PLEKHG4B: variants seen among roughly 807,000 people sequenced by gnomAD.
PLEKHG4B encodes pleckstrin homology and RhoGEF domain containing G4B, also known as pleckstrin homology domain-containing family G member 4B.
In PLEKHG4B, 111 loss-of-function variants were observed where a neutral mutation model predicts 121.3. That is an observed-to-expected ratio of 0.92 (90% CI 0.78 to 1.07). The LOEUF is 1.07. Among genes scored for constraint, PLEKHG4B ranks in the 50% least tolerant of loss-of-function variants. The pLI, the probability that PLEKHG4B is intolerant of heterozygous loss-of-function variation, is 0.00. For synonymous variants in PLEKHG4B, 738 were observed against 725.0 expected (o/e 1.02, Z -0.29); for missense variants, 1,831 against 1,757.8 (o/e 1.04, Z -0.74).
rs1355112323 is a variant in PLEKHG4B, at chr5:152,996, A to G, written c.1992+1397A>G. Among the ~76,000 whole-genome samples the G allele has an allele frequency of 2.6e-5, 4 of 152,250 alleles. No individual in the cohort carries two copies. In the East Asian group the frequency reaches 7.7e-4, roughly 29 times the overall value. On this transcript the variant is annotated intron_variant, in intron 7 of 19. Transcript: ENST00000637938. ...CCCAGCCATGCAAAACTGTGAGTCA[A>G]TTAAACCTCTTTCCTTTATAAATTA...
chr5:119,771 T>C (rs1262740844), intron 2 of PLEKHG4B, among the ~76,000 whole-genome samples: 5 of 152,144 alleles, frequency 3.3e-5, no homozygotes, highest in Non-Finnish European at 5.9e-5. Context: ...AGGACCTTCT[T>C]TGCTGAGACA....
intron 9 of PLEKHG4B, 56 bp downstream of exon 9, chr5:155,499 T>C: frequency 7.3e-7 from 1 of 1,363,744 alleles, no homozygotes; most frequent in Non-Finnish European, 1.1e-6. Flanking sequence ...GGTGGGGGCA[T>C]AAAGGTTAGC....
intron 14 of PLEKHG4B, 81 bp downstream of exon 14, chr5:169,673 C>T (rs1736476877): frequency 1.9e-5 from 30 of 1,557,650 alleles, no homozygotes; most frequent in Middle Eastern, 2.3e-4. Flanking sequence ...ACAGGGCCCA[C>T]GTGTCAGGCG....
Position 156,971 on chromosome 5 carries a change from G to T in PLEKHG4B, c.2487+60G>T. The T allele has an allele frequency of 6.3e-7, 1 of 1,587,850 alleles. No individual in the cohort carries two copies. Among genetic ancestry groups the T allele is most frequent in the South Asian group, 1.1e-5 (1 of 87,068 alleles). ...ATCCCCTCCAGGCCAGGCTGGCCAA[G>T]GCAACCCTCTCACCTTCACACTGTG... On this transcript the variant is annotated intron_variant, in intron 11 of 19. Transcript: ENST00000637938. The surrounding 1 kb of genome is among the most constrained non-coding windows in gnomAD (Gnocchi z 4.4).
At chr5:145,067 CCTT>C in intron 6 of PLEKHG4B, 147 bp downstream of exon 6, 1 of 639,566 alleles carries the variant, frequency 1.6e-6, no homozygotes, top group Non-Finnish European at 2.7e-6. Flanking sequence ...AGAGCCACCT[CCTT>C]CTTGGGGTCT....
intron 2 of PLEKHG4B, among the ~76,000 whole-genome samples, chr5:128,330 G>A (rs1734680355): frequency 6.6e-6 from 1 of 152,144 alleles, no homozygotes; most frequent in East Asian, 1.9e-4. Flanking sequence ...TTATGCCAGA[G>A]TCAGATTGGA....
At chr5:176,121 C>T (rs1394849975) in intron 18 of PLEKHG4B, among the ~76,000 whole-genome samples, 3 of 119,078 alleles carry the variant, frequency 2.5e-5, no homozygotes, top group African/African-American at 7.8e-5. Context: ...TCGCCACAGG[C>T]TCCCCCTCTG....
chr5:142,943 C>T (rs754270507), intron 3 of PLEKHG4B, 104 bp from the exon 4 acceptor site: 18 of 1,100,616 alleles, frequency 1.6e-5, no homozygotes, highest in Non-Finnish European at 2.3e-5. Context: ...CCCCTACTTT[C>T]ATGCGTGTTT....
In PLEKHG4B at chr5:137,073, T is replaced by C. The variant is rs1412767782; in HGVS notation, c.244-2410T>C. Among the ~76,000 whole-genome samples the C allele has an allele frequency of 2.0e-5, 3 of 152,220 alleles. No homozygotes were observed. Among genetic ancestry groups the C allele is most frequent in the Non-Finnish European group, 4.4e-5 (3 of 68,046 alleles). On this transcript the variant is annotated intron_variant, in intron 2 of 19. Coordinates refer to ENST00000637938, the MANE Select transcript of PLEKHG4B (RefSeq NM_052909.5). The surrounding 1 kb of genome is among the most constrained non-coding windows in gnomAD (Gnocchi z 4.2). ...AGTATGTACACGCAATGGAAGATTA[T>C]GCAACCCTCAGAAGGAGTGCAGTTC...
In PLEKHG4B at chr5:187,702, C is replaced by G. The variant is rs1733668912; in HGVS notation, c.*5379C>G. The G allele has an allele frequency of 6.6e-6, 1 of 152,522 alleles. No individual in the cohort carries two copies. The highest frequency in any genetic ancestry group is 1.5e-5 in the Non-Finnish European group (1 of 68,292). 9.4% of individuals were successfully genotyped at this position (152,522 alleles called of 1,614,324 possible). A position where few individuals can be genotyped will look rare whatever the true frequency, so the allele number is the denominator to read the frequency against. ...CCAGGCTGCCTGACCAGCTCACCGC[C>G]TTGTTCTAGATGCTTCTGAAGCAAC... On this transcript the variant is annotated 3_prime_UTR_variant, in exon 20 of 20. Coordinates refer to ENST00000637938, the MANE Select transcript of PLEKHG4B (RefSeq NM_052909.5).
At chr5:167,699 G>A (rs999052358) in intron 13 of PLEKHG4B, among the ~76,000 whole-genome samples, 1 of 152,144 alleles carries the variant, frequency 6.6e-6, no homozygotes, top group South Asian at 2.1e-4. Context: ...GAGTCCCGCC[G>A]CCCAGGCCAG....
intron 1 of PLEKHG4B, among the ~76,000 whole-genome samples, chr5:106,754 A>G (rs1579238742): frequency 6.6e-6 from 1 of 152,214 alleles, no homozygotes. Context: ...ACAGGCAGGG[A>G]CAGGAGGAGT....
chr5:138,160 A>C (rs910038695), intron 2 of PLEKHG4B, among the ~76,000 whole-genome samples: 2 of 152,244 alleles, frequency 1.3e-5, no homozygotes, highest in African/African-American at 2.4e-5. Flanking sequence ...CCCCACCGGC[A>C]GCTAATTGCT....
chr5:104,996 T>C (rs112717234), intron 1 of PLEKHG4B, among the ~76,000 whole-genome samples: 218 of 150,928 alleles, frequency 1.4e-3, no homozygotes, highest in African/African-American at 4.9e-3. Flanking sequence ...CACTCCACAG[T>C]GGGTGAGGGC....
chr5:107,870 A>G (rs900575664), intron 1 of PLEKHG4B, among the ~76,000 whole-genome samples: 1 of 152,202 alleles, frequency 6.6e-6, no homozygotes, highest in Admixed American at 6.5e-5. Context: ...GGGCTGGGGC[A>G]CCAGCTTGGG....
intron 1 of PLEKHG4B, among the ~76,000 whole-genome samples, chr5:99,575 T>C (rs1733742215): frequency 6.6e-6 from 1 of 151,794 alleles, no homozygotes. Context: ...TAACTAATTT[T>C]TGTGTGTTGT....
intron 16 of PLEKHG4B, among the ~76,000 whole-genome samples, chr5:171,766 T>A (rs1736561478): frequency 6.6e-6 from 1 of 152,210 alleles, no homozygotes. Flanking sequence ...TCTGCTTACC[T>A]GGGCTGTATT....
At chr5:152,588 G>T (rs924220457) in intron 7 of PLEKHG4B, among the ~76,000 whole-genome samples, 1 of 151,960 alleles carries the variant, frequency 6.6e-6, no homozygotes, top group Non-Finnish European at 1.5e-5. Flanking sequence ...GTATTGTCCC[G>T]CAGATCTCTA....
Position 163,229 on chromosome 5 carries a change from C to G in PLEKHG4B, c.3157C>G (p.Leu1053Val), listed in dbSNP as rs746560170. Reference sequence around the variant, plus strand: ...AGGGGCAGGGGCCACCACGGCCCACCTGGAGGACAGCTCTGCCTGTTCCTC... The same window carrying G: ...AGGGGCAGGGGCCACCACGGCCCACGTGGAGGACAGCTCTGCCTGTTCCTC... ...LPGAGATTAHLEDSSACSSEP... is the reference protein window; with the variant it reads ...LPGAGATTAHVEDSSACSSEP... Residue 1053 changes from leucine (L) to valine (V), a missense_variant, in exon 13 of 20, where the codon CTG (leucine) becomes GTG (valine). Transcript: ENST00000637938. 6.2e-7 allele frequency: 1 copy of G among 1,605,778 alleles called. No individual in the cohort carries two copies. The highest frequency in any genetic ancestry group is 8.5e-7 in the Non-Finnish European group (1 of 1,176,440).
Sources: gnomAD v4.1 joint callset for allele counts (sites outside exome capture counted in the v4.1 genomes callset) on GRCh38, gnomAD v4.1.1 for gene constraint, Gnocchi (gnomAD v3.1) non-coding constraint, MANE v1.5 for transcripts, NCBI Gene and HGNC (gene_info 2026-07-23, HGNC 2026-07-21) for gene names.